CFAP210: variants seen among roughly 807,000 people sequenced by gnomAD.
The protein encoded by CFAP210 is cilia and flagella associated protein 210.
the CFAP210 span, chr2:169,694,319 G>C: frequency 3.1e-6 from 5 of 1,614,042 alleles, no homozygotes; most frequent in East Asian, 2.2e-5. Flanking sequence ...TCTCTGACGA[G>C]GTGTCCATGA....
chr2:169,663,934 A>G, the CFAP210 span, among the ~76,000 whole-genome samples: 5 of 152,088 alleles, frequency 3.3e-5, no homozygotes, highest in African/African-American at 1.2e-4. Flanking sequence ...CACGCCTGTA[A>G]TCCCAGCACT....
chr2:169,657,610 G>A, the CFAP210 span, among the ~76,000 whole-genome samples: 1,047 of 152,116 alleles, frequency 6.9e-3, 15 homozygotes, highest in African/African-American at 0.024. Context: ...CCAGCTACTC[G>A]GGAGGCTGAG....
chr2:169,672,094 T>A, the CFAP210 span, among the ~76,000 whole-genome samples: 1 of 152,214 alleles, frequency 6.6e-6, no homozygotes, highest in African/African-American at 2.4e-5. Context: ...TATTTTAAAG[T>A]AACATGCATT....
the CFAP210 span, among the ~76,000 whole-genome samples, chr2:169,684,771 G>A: frequency 6.6e-6 from 1 of 152,100 alleles, no homozygotes; most frequent in African/African-American, 2.4e-5. Context: ...CTCCTGCCTA[G>A]CCTCCCAAGT....
chr2:169,655,418 C>T, the CFAP210 span, among the ~76,000 whole-genome samples: 1 of 152,314 alleles, frequency 6.6e-6, no homozygotes, highest in South Asian at 2.1e-4. Flanking sequence ...TAACTAATCT[C>T]CTATTTTATG....
At chr2:169,651,376 G>A in the CFAP210 span, among the ~76,000 whole-genome samples, 2 of 151,884 alleles carry the variant, frequency 1.3e-5, no homozygotes, top group African/African-American at 4.8e-5. Flanking sequence ...GAGTGACAGA[G>A]TGAGACTCTA....
At chr2:169,661,615 T>C in the CFAP210 span, among the ~76,000 whole-genome samples, 1 of 152,150 alleles carries the variant, frequency 6.6e-6, no homozygotes, top group Non-Finnish European at 1.5e-5. Context: ...ACACCAAACA[T>C]AAATCACCCC....
chr2:169,678,917 A>G, the CFAP210 span, among the ~76,000 whole-genome samples: 3 of 152,190 alleles, frequency 2.0e-5, no homozygotes, highest in African/African-American at 7.2e-5. Flanking sequence ...TTGAAAAAGA[A>G]ATGATTTCAA....
chr2:169,669,810 G>A, the CFAP210 span, among the ~76,000 whole-genome samples: 1 of 151,622 alleles, frequency 6.6e-6, no homozygotes, highest in African/African-American at 2.4e-5. Flanking sequence ...TGGAAACGCT[G>A]GAAATCAATA....
At chr2:169,686,146 A>C in the CFAP210 span, among the ~76,000 whole-genome samples, 1 of 152,172 alleles carries the variant, frequency 6.6e-6, no homozygotes, top group Admixed American at 6.5e-5. Flanking sequence ...CAACCACCTG[A>C]GTAGCTGGGA....
the CFAP210 span, among the ~76,000 whole-genome samples, chr2:169,675,896 T>C: frequency 2.0e-5 from 3 of 152,226 alleles, no homozygotes; most frequent in Non-Finnish European, 2.9e-5. Flanking sequence ...CCTCATGTCA[T>C]ATGAGGTCTT....
At chr2:169,673,028 T>C in the CFAP210 span, among the ~76,000 whole-genome samples, 2 of 152,168 alleles carry the variant, frequency 1.3e-5, no homozygotes, top group East Asian at 1.9e-4. Flanking sequence ...ACAGTGAGGA[T>C]AGGTAACACT....
At chr2:169,649,244 C>A in the CFAP210 span, 1 of 1,613,808 alleles carries the variant, frequency 6.2e-7, no homozygotes, top group Non-Finnish European at 8.5e-7. Context: ...CATTTTTTCT[C>A]CTTTTCATGT....
chr2:169,681,015 T>C, the CFAP210 span: 1 of 1,613,650 alleles, frequency 6.2e-7, no homozygotes, highest in East Asian at 2.2e-5. Flanking sequence ...ACTGCATATG[T>C]ATTAGTCCAG....
the CFAP210 span, among the ~76,000 whole-genome samples, chr2:169,683,980 G>A: frequency 5.0e-4 from 76 of 152,310 alleles, 1 homozygote; most frequent in East Asian, 0.013. Context: ...GTTGAGAACA[G>A]AGCTATAGAT....
chr2:169,681,324 G>A, the CFAP210 span: 1 of 941,188 alleles, frequency 1.1e-6, no homozygotes, highest in Non-Finnish European at 1.7e-6. Flanking sequence ...CATGATAACT[G>A]GAAATTATTT....
At chr2:169,662,421 C>T in the CFAP210 span, 11 of 1,588,204 alleles carry the variant, frequency 6.9e-6, no homozygotes, top group African/African-American at 1.5e-4. Context: ...CCTCTTCTTC[C>T]TCATGTTCCT....
chr2:169,690,252 T>C, the CFAP210 span, among the ~76,000 whole-genome samples: 3 of 152,232 alleles, frequency 2.0e-5, no homozygotes, highest in Non-Finnish European at 4.4e-5. Context: ...CTTTGTCTGA[T>C]GTTGGTATCA....
At chr2:169,650,397 T>C in the CFAP210 span, 1 of 1,604,588 alleles carries the variant, frequency 6.2e-7, no homozygotes, top group Admixed American at 1.7e-5. Flanking sequence ...TCTCTTTCTC[T>C]TTTTTCCCAT....
Sources: gnomAD v4.1 joint callset for allele counts (sites outside exome capture counted in the v4.1 genomes callset) on GRCh38, gnomAD v4.1.1 for gene constraint, MANE v1.5 for transcripts, NCBI Gene and HGNC (gene_info 2026-07-23, HGNC 2026-07-21) for gene names.